SBF1: variants seen among roughly 807,000 people sequenced by gnomAD.
The protein encoded by SBF1 is myotubularin-related protein 5.
A neutral mutation model predicts 215.8 loss-of-function variants in SBF1; 65 were observed. That is an observed-to-expected ratio of 0.30 (90% CI 0.25 to 0.37). The LOEUF (loss-of-function observed/expected upper bound fraction) is 0.37, where lower values mean the gene tolerates loss of function less well. SBF1 is among the 10% of genes least tolerant of loss of function. SBF1 has a pLI of 1.00. For missense variants in SBF1, 2,634 were observed against 2,667.8 expected (o/e 0.99, Z 0.28); for synonymous variants, 1,410 against 1,122.8 (o/e 1.26, Z -5.11).
In SBF1 at chr22:50,466,429, G is replaced by C. The variant is rs1305259022; in HGVS notation, c.709C>G (p.Leu237Val). 1.3e-6 allele frequency: 2 copies of C among 1,552,824 alleles called. No homozygotes were observed. The highest frequency in any genetic ancestry group is 1.7e-6 in the Non-Finnish European group (2 of 1,147,618). The change falls in exon 7 of 41, where the codon CTC becomes GTC. Residue 237 changes from leucine (L) to valine (V), a missense_variant. Coordinates refer to ENST00000380817, the MANE Select transcript of SBF1 (RefSeq NM_002972.4). ...FCAALTEHKVLFLSRSYQRLA... is the reference protein window; with the variant it reads ...FCAALTEHKVVFLSRSYQRLA... ...CGCTGGTAGCTCCGGGACAGGAAGA[G>C]AACCTTGTGCTCCGTGAGGGCGGCA...
At chr22:50,462,982 G>A in intron 16 of SBF1, 44 bp from the exon 17 acceptor site, 1 of 1,561,930 alleles carries the variant, frequency 6.4e-7, no homozygotes. Flanking sequence ...CCCCTCCCAG[G>A]CAGCACTCAC....
At position 50,448,579 on chromosome 22, in the gene SBF1, C is replaced by T. The variant is rs775175911; in HGVS notation, c.5115G>A (p.Lys1705=). 38 of 1,612,172 alleles carry T rather than the reference C, an allele frequency of 2.4e-5. No homozygotes were observed. The highest frequency in any genetic ancestry group is 3.1e-5 in the Non-Finnish European group (37 of 1,180,016). ...GCCGGCCCTCGAGGCGCTGTGCAGC[C>T]TTCACCCGGTCCCAGGTGTCCTTCC... is the stretch of plus-strand genomic sequence containing the variant. ...ERWKDTWDRV[K]AAQRLEGRPD... Residue 1705 remains lysine (K), a synonymous_variant, in exon 37 of 41, where the codon AAG becomes AAA. Coordinates refer to ENST00000380817, the MANE Select transcript of SBF1 (RefSeq NM_002972.4).
chr22:50,464,284 T>C (rs2067651233), intron 15 of SBF1, 45 bp downstream of exon 15: 3 of 1,517,768 alleles, frequency 2.0e-6, no homozygotes, highest in Non-Finnish European at 2.7e-6. Flanking sequence ...GGGTCTCCTC[T>C]GAAACCCGCT....
At chr22:50,468,822 G>T (rs1231105045) in intron 1 of SBF1, among the ~76,000 whole-genome samples, 1 of 151,860 alleles carries the variant, frequency 6.6e-6, no homozygotes, top group Non-Finnish European at 1.5e-5. Context: ...CCCCACTTAG[G>T]CTCTCGGCCC....
chr22:50,461,784 G>A lies in SBF1; in HGVS notation c.2643+12C>T. The A allele has an allele frequency of 4.3e-6, 7 of 1,612,658 alleles. No individual in the cohort carries two copies. The highest frequency in any genetic ancestry group is 2.2e-5 in the South Asian group (2 of 91,056). On this transcript the variant is annotated intron_variant, in intron 21 of 40. Transcript: ENST00000380817. Reference sequence around the variant, plus strand: ...GCCTTGGGCCCCCGCAGCCCCAACGGCCCCCGCAAACCTTCTGGATGGGCG... The same window carrying A: ...GCCTTGGGCCCCCGCAGCCCCAACGACCCCCGCAAACCTTCTGGATGGGCG...
intron 26 of SBF1, 102 bp from the exon 27 acceptor site, chr22:50,459,768 A>C: frequency 7.3e-7 from 1 of 1,370,574 alleles, no homozygotes; most frequent in Non-Finnish European, 9.8e-7. Context: ...TCCCAGCAGG[A>C]GGCGCTTCCA....
chr22:50,470,377 A>AC (rs1290379178), intron 1 of SBF1, among the ~76,000 whole-genome samples: 10 of 151,324 alleles, frequency 6.6e-5, no homozygotes, highest in Admixed American at 1.3e-4. Flanking sequence ...GACCCTCTCC[A>AC]CCCCCCGCTA....
At position 50,456,137 on chromosome 22, in the gene SBF1, C is replaced by A. The variant is rs2067236744; in HGVS notation, c.4266+79G>T. The A allele has an allele frequency of 2.0e-5, 30 of 1,467,542 alleles. No individual in the cohort carries two copies. The South Asian group carries it at 3.3e-4, about 16-fold the overall frequency. 90.9% of individuals were successfully genotyped at this position (1,467,542 alleles called of 1,614,324 possible). On this transcript the variant is annotated intron_variant, in intron 31 of 40. Transcript: ENST00000380817. ...CGCTCCACACTGTCAGACAAGCAAA[C>A]CTAGACCCGTCCACTTGGCTCTACC...
chr22:50,460,653 C>T lies in SBF1; in HGVS notation c.3027G>A (p.Lys1009=), dbSNP rs1313557930. 3 of 1,613,918 alleles carry T rather than the reference C, an allele frequency of 1.9e-6. No homozygotes were observed. The highest frequency in any genetic ancestry group is 2.5e-6 in the Non-Finnish European group (3 of 1,180,048). ...VGSDSAELFR[K]QLHKLRYPPD... The stretch of plus-strand genomic sequence containing the variant: ...GCGGGTACCGCAGCTTATGCAGCTG[C>T]TTACGGAAGAGCTCGGCGCTGTCAG... The change falls in exon 24 of 41, where the codon AAG becomes AAA. Residue 1009 remains lysine, a synonymous_variant. Coordinates refer to ENST00000380817, the MANE Select transcript of SBF1 (RefSeq NM_002972.4).
rs376722187 is a variant in SBF1, at chr22:50,459,313, G to A, written c.3768C>T (p.Ala1256=). ...QAVVSSMPRY[A]DASGRNTLSG... ...TAAGCGTGTTGCGTCCCGACGCGTC[G>A]GCGTAGCGGGGCATGGAGCTGACCA... Residue 1256 remains alanine, a synonymous_variant, in exon 28 of 41, where the codon GCC becomes GCT. Transcript: ENST00000380817. 51 of 1,612,314 alleles carry A rather than the reference G, an allele frequency of 3.2e-5. No individual in the cohort carries two copies. Among genetic ancestry groups the A allele is most frequent in the African/African-American group, 2.0e-4 (15 of 75,020 alleles).
intron 36 of SBF1, among the ~76,000 whole-genome samples, chr22:50,452,699 G>A (rs1386204782): frequency 1.4e-5 from 2 of 140,608 alleles, no homozygotes; most frequent in African/African-American, 5.6e-5. Flanking sequence ...TCCAGCCTGG[G>A]TGACTGAGGG....
chr22:50,469,753 GC>G (rs537128293), intron 1 of SBF1, among the ~76,000 whole-genome samples: 9 of 151,472 alleles, frequency 5.9e-5, no homozygotes, highest in Non-Finnish European at 1.0e-4. Flanking sequence ...CCCCACCCCG[GC>G]CCCCAAGAAG....
At chr22:50,468,867 C>T (rs1211342658) in intron 1 of SBF1, among the ~76,000 whole-genome samples, 1 of 152,122 alleles carries the variant, frequency 6.6e-6, no homozygotes, top group Non-Finnish European at 1.5e-5. Context: ...CTCCCTGTCA[C>T]CCACCAGCCC....
intron 28 of SBF1, among the ~76,000 whole-genome samples, chr22:50,458,271 C>G (rs1235446217): frequency 6.8e-6 from 1 of 148,060 alleles, no homozygotes; most frequent in East Asian, 2.0e-4. Context: ...CACCACCGCA[C>G]TCCAGCGTGG....
At chr22:50,474,721 C>T (rs1363556491) in intron 1 of SBF1, 65 bp downstream of exon 1, 7 of 1,373,922 alleles carry the variant, frequency 5.1e-6, no homozygotes, top group East Asian at 6.4e-5. Flanking sequence ...CCCTCAGACC[C>T]AGCCCCTGGC....
rs748581107 is a variant in SBF1 at position 50,455,469 on chromosome 22, C to T, written c.4368+12G>A. On this transcript the variant is annotated intron_variant, in intron 32 of 40. Transcript: ENST00000380817. ...GGGAGCCTGGCCCACCCCAGCCCCA[C>T]GCGCCACACACCTGGGTGGTGATGT... 9 of 1,611,752 alleles carry T rather than the reference C, an allele frequency of 5.6e-6. No individual in the cohort carries two copies. The highest frequency in any genetic ancestry group is 3.3e-5 in the Admixed American group (2 of 59,770).
At chr22:50,467,724 G>A (rs766542858) in intron 3 of SBF1, 34 bp from the exon 4 acceptor site, 5 of 1,361,482 alleles carry the variant, frequency 3.7e-6, no homozygotes, top group Non-Finnish European at 5.2e-6. Context: ...GGGGCAGGGG[G>A]AGTTGGCCAC....
At chr22:50,452,989 A>G (rs937277574) in intron 36 of SBF1, among the ~76,000 whole-genome samples, 5 of 149,472 alleles carry the variant, frequency 3.3e-5, no homozygotes, top group Non-Finnish European at 6.0e-5. Context: ...GAAAAGAAAG[A>G]AAGGAAAAAA....
At chr22:50,471,299 G>T (rs74704633) in intron 1 of SBF1, among the ~76,000 whole-genome samples, 1 of 152,136 alleles carries the variant, frequency 6.6e-6, no homozygotes, top group African/African-American at 2.4e-5. Context: ...ATGTCCCTGC[G>T]GCCAGCCCCA....
Sources: allele counts gnomAD v4.1 joint callset (sites outside exome capture counted in the v4.1 genomes callset), GRCh38; gene constraint gnomAD v4.1.1; transcripts MANE v1.5; gene names NCBI Gene and HGNC (gene_info 2026-07-23, HGNC 2026-07-21).